Variants in SDK2 observed in about 807,000 individuals in gnomAD.
SDK2 encodes sidekick cell adhesion molecule 2.
A neutral mutation model predicts 253.9 loss-of-function variants in SDK2; 105 were observed. The observed-to-expected ratio is 0.41, with a 90% CI of 0.35 to 0.49. The LOEUF is 0.49. Among genes scored for constraint, SDK2 ranks in the 20% least tolerant of loss-of-function variants. The pLI, the probability that SDK2 is intolerant of heterozygous loss-of-function variation, is 0.06. For synonymous variants in SDK2, 1,249 were observed against 1,234.9 expected (o/e 1.01, Z -0.24); for missense variants, 2,608 against 3,003.0 (o/e 0.87, Z 3.07).
intron 1 of SDK2, among the ~76,000 whole-genome samples, chr17:73,582,880 C>G (rs947819797): frequency 6.6e-6 from 1 of 152,172 alleles, no homozygotes; most frequent in East Asian, 1.9e-4. Context: ...TCGTCAGCCT[C>G]CCTGCAACGC....
intron 12 of SDK2, among the ~76,000 whole-genome samples, chr17:73,427,335 A>G (rs1177942684): frequency 1.3e-5 from 2 of 152,306 alleles, no homozygotes; most frequent in East Asian, 3.9e-4. Flanking sequence ...TCAACAAACT[A>G]TGGCCTGCTG....
chr17:73,558,540 C>T (rs1056375940), intron 1 of SDK2, among the ~76,000 whole-genome samples: 3 of 152,080 alleles, frequency 2.0e-5, no homozygotes, highest in Non-Finnish European at 4.4e-5. Flanking sequence ...TGTTCAAGCA[C>T]TTTTGCATTG....
intron 2 of SDK2, among the ~76,000 whole-genome samples, chr17:73,473,771 A>G (rs1234318887): frequency 2.0e-5 from 3 of 152,234 alleles, no homozygotes; most frequent in African/African-American, 4.8e-5. Flanking sequence ...CACTTAAAAA[A>G]GTGGGACCAA....
chr17:73,473,801 TC>T (rs1351467454), intron 2 of SDK2, among the ~76,000 whole-genome samples: 1 of 152,178 alleles, frequency 6.6e-6, no homozygotes, highest in Non-Finnish European at 1.5e-5. Context: ...GTGAACTTCT[TC>T]TTTTGCCAAG....
At chr17:73,450,158 G>A (rs762277810) in intron 4 of SDK2, among the ~76,000 whole-genome samples, 23 of 152,168 alleles carry the variant, frequency 1.5e-4, no homozygotes, top group Non-Finnish European at 2.6e-4. Context: ...GGTCCTCCCC[G>A]TGCAGGGCTC....
intron 43 of SDK2, 118 bp downstream of exon 43, chr17:73,350,119 T>C (rs1599472092): frequency 1.5e-6 from 1 of 653,504 alleles, no homozygotes; most frequent in Non-Finnish European, 2.1e-6. Context: ...GCTTGAATGG[T>C]GTTTCCCAGG....
intron 2 of SDK2, among the ~76,000 whole-genome samples, chr17:73,486,926 C>T (rs1249041032): frequency 6.6e-6 from 1 of 152,088 alleles, no homozygotes; most frequent in Non-Finnish European, 1.5e-5. Flanking sequence ...AGTAGCTTGA[C>T]TTTGTTTTTT....
At chr17:73,473,664 G>C (rs569308056) in intron 2 of SDK2, among the ~76,000 whole-genome samples, 1 of 152,294 alleles carries the variant, frequency 6.6e-6, no homozygotes, top group African/African-American at 2.4e-5. Context: ...CCCTTCCGGA[G>C]CACCATCTCT....
chr17:73,388,837 C>CT (rs2062899999), intron 29 of SDK2, among the ~76,000 whole-genome samples: 1 of 110,690 alleles, frequency 9.0e-6, no homozygotes, highest in South Asian at 3.2e-4. Context: ...TCCTTCCTTC[C>CT]CCCCTCCTTT....
At chr17:73,503,864 T>G (rs796238941) in intron 2 of SDK2, among the ~76,000 whole-genome samples, 18 of 152,306 alleles carry the variant, frequency 1.2e-4, no homozygotes, top group African/African-American at 4.3e-4. Flanking sequence ...TAAGTGAAAC[T>G]TCCAGAAAAG....
chr17:73,520,468 C>A (rs1377642273), intron 1 of SDK2: 1 of 143,204 alleles, frequency 7.0e-6, no homozygotes, highest in Non-Finnish European at 1.5e-5. Context: ...CGTCTCTCCT[C>A]AGAACTTATT....
intron 2 of SDK2, among the ~76,000 whole-genome samples, chr17:73,491,771 C>A (rs561306963): frequency 6.6e-6 from 1 of 152,182 alleles, no homozygotes; most frequent in Non-Finnish European, 1.5e-5. Context: ...GTCACCCTTG[C>A]GGGTGCCTTC....
Position 73,379,692 on chromosome 17 carries a change from G to A in SDK2, c.4763-143C>T, listed in dbSNP as rs533883469. The stretch of plus-strand genomic sequence containing the variant: ...CCCCTCTGTGAAGGTGCATGAAGGA[G>A]GAGGTGAGAGGCGGGGCCCCCAGGG... On this transcript the variant is annotated intron_variant, in intron 34 of 44. Coordinates refer to ENST00000392650, the MANE Select transcript of SDK2 (RefSeq NM_001144952.2). The surrounding 1 kb of genome is among the most constrained non-coding windows in gnomAD (Gnocchi z 4.5). 491 of 613,078 alleles carry A rather than the reference G, an allele frequency of 8.0e-4. 2 individuals carry two copies. The highest frequency in any genetic ancestry group is 1.2e-3 in the Admixed American group (39 of 32,892). 38.0% of individuals were successfully genotyped at this position (613,078 alleles called of 1,614,324 possible). A position where few individuals can be genotyped will look rare whatever the true frequency, so the allele number is the denominator to read the frequency against.
At chr17:73,355,053 G>A (rs897400667) in intron 40 of SDK2, among the ~76,000 whole-genome samples, 4 of 150,194 alleles carry the variant, frequency 2.7e-5, no homozygotes, top group African/African-American at 9.9e-5. Context: ...GAAGGCCATG[G>A]GGACCCAGTC....
rs776124341 is a variant in SDK2, at chr17:73,338,843, C to T, written c.6263G>A (p.Arg2088Gln). Residue 2088 changes from arginine to glutamine, a missense_variant, in exon 45 of 45, where the codon CGG (arginine) becomes CAG (glutamine). Transcript: ENST00000392650. The surrounding 1 kb of genome is among the most constrained non-coding windows in gnomAD (Gnocchi z 5.0). ...ISDPTYYNSW[R>Q]RQQKGISRAQ... The stretch of plus-strand genomic sequence containing the variant: ...CCTCGAGATGCCCTTCTGCTGTCGC[C>T]GCCACGAGTTGTAGTATGTGGGGTC... 2.9e-5 allele frequency: 47 copies of T among 1,613,872 alleles called. No individual in the cohort carries two copies. Among genetic ancestry groups the T allele is most frequent in the Admixed American group, 5.0e-5 (3 of 60,002 alleles).
chr17:73,460,474 T>G (rs1471391498), intron 3 of SDK2, among the ~76,000 whole-genome samples: 1 of 152,256 alleles, frequency 6.6e-6, no homozygotes, highest in African/African-American at 2.4e-5. Context: ...TATACCATTA[T>G]GTTTTGGGGT....
Position 73,405,486 on chromosome 17 carries a change from ATATATATATATATATATATATATATAT to A in SDK2, c.2485-3372_2485-3346del, listed in dbSNP as rs1568385640. On this transcript the variant is annotated intron_variant, in intron 18 of 44. Transcript: ENST00000392650. ...AAAAACCATATATATATATATATAT[ATATATATATATATATATATATATATAT>A]ATATAAAGATCGAGAATGTGGAAAG... Among the ~76,000 whole-genome samples, 67 of 92,748 alleles carry A rather than the reference ATATATATATATATATATATATATATAT, an allele frequency of 7.2e-4. 5 individuals are homozygous for A. Among genetic ancestry groups the A allele is most frequent in the Admixed American group, 3.7e-3 (34 of 9,210 alleles). 60.8% of individuals were successfully genotyped at this position (92,748 alleles called of 152,430 possible). A position where few individuals can be genotyped will look rare whatever the true frequency, so the allele number is the denominator to read the frequency against.
intron 6 of SDK2, among the ~76,000 whole-genome samples, chr17:73,440,305 C>T (rs2063404802): frequency 6.6e-6 from 1 of 151,994 alleles, no homozygotes; most frequent in African/African-American, 2.4e-5. Flanking sequence ...GGAGTTTCTC[C>T]ATGTTGGTCA....
At chr17:73,536,181 A>T (rs1010363420) in intron 1 of SDK2, among the ~76,000 whole-genome samples, 3 of 152,088 alleles carry the variant, frequency 2.0e-5, no homozygotes, top group African/African-American at 7.2e-5. Flanking sequence ...TTAATATAGC[A>T]GGTCTGGGTG....
Sources: gnomAD v4.1 joint callset for allele counts (sites outside exome capture counted in the v4.1 genomes callset) on GRCh38, gnomAD v4.1.1 for gene constraint, Gnocchi (gnomAD v3.1) non-coding constraint, MANE v1.5 for transcripts, NCBI Gene and HGNC (gene_info 2026-07-23, HGNC 2026-07-21) for gene names.